Variants in TBC1D23 observed in about 807,000 individuals in gnomAD.
The protein encoded by TBC1D23 is TBC1 domain family member 23.
TBC1D23 carries 55 observed loss-of-function variants against 91.4 expected under a neutral mutation model. The ratio of observed to expected loss-of-function variants is 0.60; its 90% CI spans 0.48 to 0.75. The LOEUF is 0.75. TBC1D23 is among the 30% of genes least tolerant of loss of function. The probability of loss-of-function intolerance (pLI) is 0.00; values close to 1 mark genes in which losing one functional copy is unlikely to be tolerated. For missense variants in TBC1D23, 725 were observed against 836.1 expected, an observed-to-expected ratio of 0.87 and a Z score of 1.64; for synonymous variants, 289 against 281.0, an observed-to-expected ratio of 1.03 and a Z score of -0.28.
intron 1 of TBC1D23, among the ~76,000 whole-genome samples, chr3:100,262,208 A>G (rs2067517049): frequency 1.3e-5 from 2 of 152,024 alleles, no homozygotes; most frequent in Non-Finnish European, 2.9e-5. Context: ...TGGAGTTGGG[A>G]AGGTGTAACA....
intron 4 of TBC1D23, among the ~76,000 whole-genome samples, chr3:100,286,945 G>C (rs1225248026): frequency 6.6e-6 from 1 of 151,878 alleles, no homozygotes; most frequent in Non-Finnish European, 1.5e-5. Context: ...CCCCCGAGTA[G>C]CTGGAATCAC....
chr3:100,271,757 T>C (rs1443155296), intron 1 of TBC1D23, among the ~76,000 whole-genome samples: 6 of 152,186 alleles, frequency 3.9e-5, no homozygotes, highest in Non-Finnish European at 5.9e-5. Context: ...ACTATTGTTA[T>C]ATGATAGCAT....
chr3:100,262,878 C>CAGCT (rs2067525208), intron 1 of TBC1D23, among the ~76,000 whole-genome samples: 2 of 152,044 alleles, frequency 1.3e-5, no homozygotes, highest in South Asian at 4.1e-4. Flanking sequence ...GTGCATTTTA[C>CAGCT]AGCTACCTTA....
chr3:100,272,321 T>G (rs2067606293), intron 1 of TBC1D23, among the ~76,000 whole-genome samples: 1 of 152,250 alleles, frequency 6.6e-6, no homozygotes, highest in Non-Finnish European at 1.5e-5. Context: ...TAGCAGTTAC[T>G]TAATACGCTA....
chr3:100,273,444 C>T (rs2067618413), intron 1 of TBC1D23, among the ~76,000 whole-genome samples: 1 of 152,206 alleles, frequency 6.6e-6, no homozygotes, highest in Admixed American at 6.5e-5. Context: ...CTTTTCCCCA[C>T]AAAAGCAATT....
rs1705927470 is a variant in TBC1D23, at chr3:100,325,147, G to C, written c.*1479G>C. 6.6e-6 allele frequency: 1 copy of C among 152,086 alleles called. No individual in the cohort carries two copies. Among genetic ancestry groups the C allele is most frequent in the African/African-American group, 2.4e-5 (1 of 41,408 alleles). 9.4% of individuals were successfully genotyped at this position (152,086 alleles called of 1,614,324 possible). On this transcript the variant is annotated 3_prime_UTR_variant, in exon 19 of 19. Coordinates refer to ENST00000394144, the MANE Select transcript of TBC1D23 (RefSeq NM_001199198.3). Reference sequence around the variant, plus strand: ...GAAGTCTCATTTTTCACCCATTTCAGCCATGGGACATTTTTCATAATATTA... The same window carrying C: ...GAAGTCTCATTTTTCACCCATTTCACCCATGGGACATTTTTCATAATATTA...
At chr3:100,291,019 TATATG>T (rs1294269477) in intron 5 of TBC1D23, among the ~76,000 whole-genome samples, 7 of 152,338 alleles carry the variant, frequency 4.6e-5, no homozygotes, top group Non-Finnish European at 7.4e-5. Flanking sequence ...GTACATGTAA[TATATG>T]ATACATATAT....
chr3:100,320,541 T>C (rs998597645), intron 17 of TBC1D23, among the ~76,000 whole-genome samples: 2 of 150,676 alleles, frequency 1.3e-5, no homozygotes, highest in Admixed American at 6.6e-5. Context: ...TTTATTATAT[T>C]TATTATATTT....
chr3:100,275,697 T>C (rs192411261), intron 1 of TBC1D23, among the ~76,000 whole-genome samples: 145 of 152,314 alleles, frequency 9.5e-4, no homozygotes, highest in African/African-American at 3.4e-3. Context: ...CTTAACCAGT[T>C]GAACTACTGA....
chr3:100,264,803 T>A (rs530715248), intron 1 of TBC1D23, among the ~76,000 whole-genome samples: 1 of 152,350 alleles, frequency 6.6e-6, no homozygotes, highest in East Asian at 1.9e-4. Context: ...GACATTGTTT[T>A]TGCTGATTTT....
intron 1 of TBC1D23, among the ~76,000 whole-genome samples, chr3:100,270,804 T>C (rs1382906850): frequency 6.6e-6 from 1 of 152,180 alleles, no homozygotes; most frequent in Admixed American, 6.5e-5. Context: ...TTTGTATTTT[T>C]ATTTTAAGAA....
In TBC1D23 at chr3:100,306,527, G is replaced by C; in HGVS notation, c.1397G>C (p.Ser466Thr). 6.2e-7 allele frequency: 1 copy of C among 1,601,080 alleles called. No homozygotes were observed. Among genetic ancestry groups the C allele is most frequent in the South Asian group, 1.1e-5 (1 of 90,776 alleles). ...WIASTSGSRS[S>T]INSVDGESPN... The stretch of plus-strand genomic sequence containing the variant: ...GCTAGTACCTCAGGCTCAAGGAGCA[G>C]TATCAATTCTGTTGATGTAAGTATA... The change falls in exon 13 of 19, where the codon AGT (serine) becomes ACT (threonine). Residue 466 changes from serine to threonine, a missense_variant. Coordinates refer to ENST00000394144, the MANE Select transcript of TBC1D23 (RefSeq NM_001199198.3).
chr3:100,265,210 T>G (rs1295119145), intron 1 of TBC1D23, among the ~76,000 whole-genome samples: 1 of 152,244 alleles, frequency 6.6e-6, no homozygotes, highest in African/African-American at 2.4e-5. Context: ...TACGCATGAA[T>G]GAAAACTTTC....
intron 14 of TBC1D23, among the ~76,000 whole-genome samples, 155 bp from the exon 15 acceptor site, chr3:100,311,675 TTTC>T (rs1315248392): frequency 6.6e-6 from 1 of 152,236 alleles, no homozygotes; most frequent in Non-Finnish European, 1.5e-5. Context: ...GAAATTGGCT[TTTC>T]TTTGTTTTTC....
chr3:100,295,554 G>T (rs2067831849), intron 7 of TBC1D23, among the ~76,000 whole-genome samples: 1 of 151,904 alleles, frequency 6.6e-6, no homozygotes, highest in Non-Finnish European at 1.5e-5. Flanking sequence ...CTTCATATTT[G>T]TTCACTCTTT....
intron 5 of TBC1D23, among the ~76,000 whole-genome samples, chr3:100,290,977 CAT>C (rs991861664): frequency 4.0e-5 from 6 of 151,814 alleles, no homozygotes; most frequent in East Asian, 1.9e-4. Context: ...TATTACAACT[CAT>C]ATTTACATAT....
chr3:100,293,561 T>C (rs769528843), intron 5 of TBC1D23, among the ~76,000 whole-genome samples: 73 of 152,380 alleles, frequency 4.8e-4, no homozygotes, highest in Non-Finnish European at 9.1e-4. Flanking sequence ...TTCGTTGAGC[T>C]AAGTGAGCTT....
chr3:100,297,751 C>A (rs1351660753), intron 8 of TBC1D23, among the ~76,000 whole-genome samples, 172 bp from the exon 9 acceptor site: 2 of 151,134 alleles, frequency 1.3e-5, no homozygotes, highest in African/African-American at 4.9e-5. Context: ...CTTTATGTGA[C>A]ATTTTTGTAG....
intron 15 of TBC1D23, among the ~76,000 whole-genome samples, chr3:100,314,277 T>G (rs1705689772): frequency 6.6e-6 from 1 of 151,878 alleles, no homozygotes; most frequent in African/African-American, 2.4e-5. Context: ...TTTTAAATTT[T>G]AGTAGAGACG....
Sources: gnomAD v4.1 joint callset for allele counts (sites outside exome capture counted in the v4.1 genomes callset) on GRCh38, gnomAD v4.1.1 for gene constraint, MANE v1.5 for transcripts, NCBI Gene and HGNC (gene_info 2026-07-23, HGNC 2026-07-21) for gene names.